Variants in CSMD1 observed in about 807,000 individuals in gnomAD.
The protein encoded by CSMD1 is CUB and Sushi multiple domains 1, also known as CUB and sushi domain-containing protein 1.
CSMD1 carries 213 observed loss-of-function variants against 417.5 expected under a neutral mutation model. That is an observed-to-expected ratio of 0.51 (90% CI 0.46 to 0.57). The LOEUF (loss-of-function observed/expected upper bound fraction) is 0.57, where lower values mean the gene tolerates loss of function less well. Ranked by LOEUF, CSMD1 falls within the 20% of genes least tolerant of loss-of-function variation. The probability of loss-of-function intolerance (pLI) is 0.00; values close to 1 mark genes in which losing one functional copy is unlikely to be tolerated. For missense variants in CSMD1, 6,923 were observed against 4,529.7 expected, an observed-to-expected ratio of 1.53 and a Z score of -15.17; for synonymous variants, 2,862 against 1,736.8, an observed-to-expected ratio of 1.65 and a Z score of -16.11.
intron 1 of CSMD1, among the ~76,000 whole-genome samples, chr8:4,991,677 C>A (rs1044373349): frequency 6.6e-5 from 10 of 152,114 alleles, no homozygotes; most frequent in Non-Finnish European, 1.0e-4. Context: ...GCCCCGGGGC[C>A]CAGCGCCGAC....
At chr8:4,830,930 T>A (rs778089699) in intron 1 of CSMD1, among the ~76,000 whole-genome samples, 1 of 152,142 alleles carries the variant, frequency 6.6e-6, no homozygotes, top group Non-Finnish European at 1.5e-5. Flanking sequence ...TTCCTTATGT[T>A]ACCCAGAAAT....
intron 52 of CSMD1, among the ~76,000 whole-genome samples, chr8:3,017,391 A>C (rs1280440745): frequency 6.6e-6 from 1 of 152,214 alleles, no homozygotes; most frequent in African/African-American, 2.4e-5. Context: ...TAGTCCAAGG[A>C]AATGTCATCG....
intron 10 of CSMD1, among the ~76,000 whole-genome samples, chr8:3,556,516 GCACACACACACACACACACA>G (rs71708244): frequency 4.2e-4 from 58 of 137,734 alleles, no homozygotes; most frequent in Non-Finnish European, 7.3e-4. Flanking sequence ...TTTTTCACAC[GCACACACACACACACACACA>G]CACACACACA....
At chr8:4,284,624 G>A (rs1454726149) in intron 3 of CSMD1, among the ~76,000 whole-genome samples, 1 of 152,062 alleles carries the variant, frequency 6.6e-6, no homozygotes, top group East Asian at 1.9e-4. Context: ...AAAACTCACA[G>A]CAACTGTTCT....
chr8:3,365,486 G>T (rs932371049), intron 20 of CSMD1, among the ~76,000 whole-genome samples: 1 of 152,060 alleles, frequency 6.6e-6, no homozygotes, highest in Non-Finnish European at 1.5e-5. Flanking sequence ...GAAAAATGTG[G>T]GTTTGAACTA....
chr8:3,454,739 C>T (rs1400323955), intron 12 of CSMD1, among the ~76,000 whole-genome samples: 1 of 152,168 alleles, frequency 6.6e-6, no homozygotes, highest in African/African-American at 2.4e-5. Flanking sequence ...TCTGCCTGCC[C>T]TTTAAATTTT....
intron 6 of CSMD1, among the ~76,000 whole-genome samples, chr8:3,724,042 T>C (rs1802343249): frequency 1.8e-5 from 1 of 54,478 alleles, no homozygotes. Flanking sequence ...ACTTTCTATC[T>C]GTGTAAACAC....
chr8:4,036,091 C>G (rs976034626), intron 3 of CSMD1, among the ~76,000 whole-genome samples: 2 of 152,152 alleles, frequency 1.3e-5, no homozygotes, highest in Non-Finnish European at 2.9e-5. Context: ...ACATGCTGTA[C>G]AGGTTTGCAC....
intron 5 of CSMD1, among the ~76,000 whole-genome samples, chr8:3,770,709 G>A (rs185698433): frequency 8.5e-4 from 129 of 152,176 alleles, no homozygotes; most frequent in African/African-American, 3.0e-3. Flanking sequence ...TCATGTCACT[G>A]TAACCATGAT....
At chr8:3,223,003 G>A (rs984673425) in intron 28 of CSMD1, among the ~76,000 whole-genome samples, 1 of 152,114 alleles carries the variant, frequency 6.6e-6, no homozygotes, top group Admixed American at 6.5e-5. Context: ...ATAGCTGAAA[G>A]GTCAATAGGA....
intron 1 of CSMD1, among the ~76,000 whole-genome samples, chr8:4,983,371 C>G (rs150413561): frequency 6.6e-6 from 1 of 152,084 alleles, no homozygotes; most frequent in Non-Finnish European, 1.5e-5. Flanking sequence ...AGACTGAGAA[C>G]ATTTATTTAT....
At chr8:3,042,024 G>T (rs1811131062) in intron 50 of CSMD1, among the ~76,000 whole-genome samples, 1 of 152,128 alleles carries the variant, frequency 6.6e-6, no homozygotes, top group African/African-American at 2.4e-5. Flanking sequence ...ACAACTTTGT[G>T]CGGGCTCCCA....
chr8:3,617,553 G>A (rs1416399642), intron 7 of CSMD1, among the ~76,000 whole-genome samples: 1 of 152,138 alleles, frequency 6.6e-6, no homozygotes, highest in Non-Finnish European at 1.5e-5. Flanking sequence ...GTCCACAGGA[G>A]TACTTCTGGG....
At chr8:4,229,441 A>C (rs2680590) in intron 3 of CSMD1, among the ~76,000 whole-genome samples, 15,122 of 152,244 alleles carry the variant, frequency 0.099, 876 homozygotes, top group African/African-American at 0.16. Context: ...TCTTTTCAAC[A>C]ACCTTACAGA....
intron 3 of CSMD1, among the ~76,000 whole-genome samples, chr8:4,402,020 A>T (rs944958393): frequency 5.9e-5 from 9 of 152,076 alleles, no homozygotes; most frequent in Non-Finnish European, 1.2e-4. Context: ...TACCACTGTT[A>T]TAATTCGTGG....
At chr8:4,167,981 T>C (rs750109142) in intron 3 of CSMD1, among the ~76,000 whole-genome samples, 15 of 151,844 alleles carry the variant, frequency 9.9e-5, no homozygotes, top group African/African-American at 3.6e-4. Flanking sequence ...TACAAAAAAT[T>C]AGCCAGGCGT....
intron 1 of CSMD1, among the ~76,000 whole-genome samples, chr8:4,934,174 A>C (rs75392638): frequency 0.023 from 3,489 of 152,234 alleles, 42 homozygotes; most frequent in Middle Eastern, 0.082. Flanking sequence ...GGCTAACAAG[A>C]AACAGAAGAG....
intron 5 of CSMD1, among the ~76,000 whole-genome samples, chr8:3,805,569 C>T (rs1707308698): frequency 6.6e-6 from 1 of 152,132 alleles, no homozygotes; most frequent in Admixed American, 6.5e-5. Flanking sequence ...TTGCAAGAAA[C>T]AGGTGAAACC....
At chr8:3,626,180 G>A (rs1284924623) in intron 7 of CSMD1, among the ~76,000 whole-genome samples, 1 of 152,178 alleles carries the variant, frequency 6.6e-6, no homozygotes. Flanking sequence ...GCCTCCGGCT[G>A]GCTCCCGCAA....
Sources: gnomAD v4.1 joint callset for allele counts (sites outside exome capture counted in the v4.1 genomes callset) on GRCh38, gnomAD v4.1.1 for gene constraint, MANE v1.5 for transcripts, NCBI Gene and HGNC (gene_info 2026-07-23, HGNC 2026-07-21) for gene names.